The following ONECUT2 variants were observed in gnomAD, a reference collection of about 807,000 sequenced individuals.
The protein encoded by ONECUT2 is one cut homeobox 2.
In ONECUT2, 10 loss-of-function variants were observed where a neutral mutation model predicts 27.9. The observed-to-expected ratio is 0.36, with a 90% CI of 0.22 to 0.61. The LOEUF (loss-of-function observed/expected upper bound fraction) is 0.61. Ranked by LOEUF, ONECUT2 falls within the 20% of genes least tolerant of loss-of-function variation. The probability of loss-of-function intolerance (pLI) is 0.73; values close to 1 mark genes in which losing one functional copy is unlikely to be tolerated. For synonymous variants in ONECUT2, 334 were observed against 315.1 expected, an observed-to-expected ratio of 1.06 and a Z score of -0.64; for missense variants, 686 against 721.0, an observed-to-expected ratio of 0.95 and a Z score of 0.56.
At chr18:57,439,475 T>A (rs1452062965) in intron 1 of ONECUT2, among the ~76,000 whole-genome samples, 1 of 152,256 alleles carries the variant, frequency 6.6e-6, no homozygotes, top group Non-Finnish European at 1.5e-5. Context: ...GGCCATTTTA[T>A]CAGCAACTAC....
chr18:57,464,226 C>T (rs1459493507), intron 1 of ONECUT2, among the ~76,000 whole-genome samples: 2 of 152,124 alleles, frequency 1.3e-5, no homozygotes, highest in Non-Finnish European at 2.9e-5. Context: ...ACGTAGAATT[C>T]TGCCTGTCAA....
At chr18:57,446,939 C>A (rs2050203188) in intron 1 of ONECUT2, among the ~76,000 whole-genome samples, 6 of 152,038 alleles carry the variant, frequency 3.9e-5, no homozygotes. Flanking sequence ...GAGGGCTGTG[C>A]CAACTGTAAG....
At chr18:57,442,726 C>G (rs1009401739) in intron 1 of ONECUT2, among the ~76,000 whole-genome samples, 1 of 152,168 alleles carries the variant, frequency 6.6e-6, no homozygotes, top group Non-Finnish European at 1.5e-5. Flanking sequence ...CTACTCCCAT[C>G]TTAGAATTCC....
intron 1 of ONECUT2, among the ~76,000 whole-genome samples, chr18:57,459,381 A>G (rs879562213): frequency 1.9e-4 from 29 of 152,342 alleles, no homozygotes; most frequent in Admixed American, 1.6e-3. Context: ...GCAAGGGGAT[A>G]TAACAATTAT....
rs551413252 is a variant in ONECUT2 at position 57,439,754 on chromosome 18, G to A, written c.1228+2810G>A. On this transcript the variant is annotated intron_variant, in intron 1 of 1. Transcript: ENST00000491143. ...CAGCCGCTCCGCAGGCGGCTCGGCC[G>A]GACTCTCAGACCGGTGCCTGGAAGA... 2.6e-5 allele frequency among the ~76,000 whole-genome samples: 4 copies of A among 152,266 alleles called. No individual in the cohort carries two copies. In the East Asian group the frequency reaches 7.8e-4, roughly 30 times the overall value.
chr18:57,467,180 G>A (rs750224205), intron 1 of ONECUT2: 15 of 456,418 alleles, frequency 3.3e-5, no homozygotes, highest in Non-Finnish European at 5.7e-5. Context: ...TGAAGCTTGG[G>A]AACACAGAAT....
intron 1 of ONECUT2, among the ~76,000 whole-genome samples, chr18:57,441,958 C>A (rs1242407504): frequency 6.6e-6 from 1 of 152,308 alleles, no homozygotes; most frequent in South Asian, 2.1e-4. Flanking sequence ...ACTGGGGAAC[C>A]CCTGCCCCAC....
At chr18:57,452,290 A>T (rs2050234786) in intron 1 of ONECUT2, among the ~76,000 whole-genome samples, 1 of 152,228 alleles carries the variant, frequency 6.6e-6, no homozygotes, top group African/African-American at 2.4e-5. Flanking sequence ...CACAATGCCT[A>T]ACACATAGTT....
intron 1 of ONECUT2, among the ~76,000 whole-genome samples, chr18:57,441,846 A>G (rs1004258821): frequency 6.6e-6 from 1 of 152,242 alleles, no homozygotes; most frequent in African/African-American, 2.4e-5. Flanking sequence ...CAAAAGCCTG[A>G]GCTTCATCCC....
chr18:57,452,981 ATGTCTAAGTTTTTTT>A (rs1344108041), intron 1 of ONECUT2, among the ~76,000 whole-genome samples: 1 of 152,240 alleles, frequency 6.6e-6, no homozygotes, highest in African/African-American at 2.4e-5. Context: ...AACTTTAACA[ATGTCTAAGTTTTTTT>A]AAACTTAGGT....
At chr18:57,446,338 C>T (rs181233671) in intron 1 of ONECUT2, among the ~76,000 whole-genome samples, 46 of 152,328 alleles carry the variant, frequency 3.0e-4, no homozygotes, top group African/African-American at 1.1e-3. Context: ...TTTATGTTCT[C>T]TTCATTACTG....
chr18:57,436,054 T>C lies in ONECUT2; in HGVS notation c.338T>C (p.Ile113Thr), dbSNP rs2050138281. 5.6e-6 allele frequency: 9 copies of C among 1,593,404 alleles called. No homozygotes were observed. Among genetic ancestry groups the C allele is most frequent in the Admixed American group, 3.3e-5 (2 of 59,726 alleles). ...GCCATGGTCACCAGCATGGCCTCGA[T>C]CCTGGACGGCGGCGACTACCGGCCC... ...RSAMVTSMASILDGGDYRPEL... is the reference protein window; with the variant it reads ...RSAMVTSMASTLDGGDYRPEL... The change falls in exon 1 of 2, where the codon ATC (isoleucine) becomes ACC (threonine). Residue 113 changes from isoleucine (I) to threonine (T), a missense_variant. Physicochemically the swap from Ile to Thr is moderately conservative, Grantham distance 89 (BLOSUM62 -1). Transcript: ENST00000491143. This position sits in a 1 kb window ranked among gnomAD's most constrained non-coding sequence, Gnocchi z 5.9.
rs773596272 is a variant in ONECUT2 at position 57,436,366 on chromosome 18, T to A, written c.650T>A (p.Met217Lys). The A allele has an allele frequency of 1.9e-6, 3 of 1,607,542 alleles. No homozygotes were observed. The highest frequency in any genetic ancestry group is 2.2e-5 in the South Asian group (2 of 91,066). Reference sequence around the variant, plus strand: ...AACCTCTACAGTCCCTACAAGGAGATGCCCGGCATGAGCCAGAGCCTGTCC... The same window carrying A: ...AACCTCTACAGTCCCTACAAGGAGAAGCCCGGCATGAGCCAGAGCCTGTCC... ...MNNLYSPYKE[M>K]PGMSQSLSPL... The change falls in exon 1 of 2, where the codon ATG (methionine) becomes AAG (lysine). Residue 217 changes from methionine (M) to lysine (K), a missense_variant. Physicochemically the swap from Met to Lys is moderately conservative, Grantham distance 95. This residue lies in a region of ONECUT2 where 511 missense variants were observed against 488.1 expected (regional missense o/e 1.05). Coordinates refer to ENST00000491143, the MANE Select transcript of ONECUT2 (RefSeq NM_004852.3). The surrounding 1 kb of genome is among the most constrained non-coding windows in gnomAD (Gnocchi z 5.9).
chr18:57,469,393 G>A (rs1156632605), intron 1 of ONECUT2, among the ~76,000 whole-genome samples: 1 of 152,180 alleles, frequency 6.6e-6, no homozygotes, highest in African/African-American at 2.4e-5. Context: ...GAACTATTCA[G>A]GGAAAGTATT....
At chr18:57,460,967 G>C (rs1379866981) in intron 1 of ONECUT2, among the ~76,000 whole-genome samples, 1 of 152,180 alleles carries the variant, frequency 6.6e-6, no homozygotes, top group African/African-American at 2.4e-5. Context: ...TATGGCGTGA[G>C]CCACCACGCC....
At chr18:57,441,818 T>C (rs951688188) in intron 1 of ONECUT2, among the ~76,000 whole-genome samples, 2 of 152,248 alleles carry the variant, frequency 1.3e-5, no homozygotes, top group African/African-American at 2.4e-5. Flanking sequence ...GTTGGACAAT[T>C]AAACGTGGCC....
chr18:57,437,046 T>C (rs2050146683), intron 1 of ONECUT2, 102 bp downstream of exon 1: 10 of 1,456,074 alleles, frequency 6.9e-6, no homozygotes, highest in Non-Finnish European at 9.0e-6. Context: ...CTTGATTCTT[T>C]CCTTCTCTTT....
At chr18:57,471,932 C>G (rs775609015) in intron 1 of ONECUT2, among the ~76,000 whole-genome samples, 17 of 152,160 alleles carry the variant, frequency 1.1e-4, no homozygotes, top group Non-Finnish European at 2.1e-4. Flanking sequence ...CACCCACCTC[C>G]CCATCAGGCA....
intron 1 of ONECUT2, among the ~76,000 whole-genome samples, chr18:57,465,329 A>G (rs2050315380): frequency 6.6e-6 from 1 of 151,954 alleles, no homozygotes; most frequent in African/African-American, 2.4e-5. Context: ...ACGCCTGGCT[A>G]ATTTTTGTAG....
Sources: allele counts gnomAD v4.1 joint callset (sites outside exome capture counted in the v4.1 genomes callset), GRCh38; gene constraint gnomAD v4.1.1; regional missense constraint gnomAD v4.1.1; non-coding constraint Gnocchi (gnomAD v3.1); transcripts MANE v1.5; gene names NCBI Gene and HGNC (gene_info 2026-07-23, HGNC 2026-07-21).